The following SPOCK1 variants were observed in gnomAD, a reference collection of about 807,000 sequenced individuals.
SPOCK1 encodes SPARC (osteonectin), cwcv and kazal like domains proteoglycan 1, also known as testican-1.
In SPOCK1, 23 loss-of-function variants were observed where a neutral mutation model predicts 55.3. The observed-to-expected ratio is 0.42, with a 90% CI of 0.30 to 0.59. SPOCK1 has a LOEUF of 0.59. Ranked by LOEUF, SPOCK1 falls within the 20% of genes least tolerant of loss-of-function variation. The pLI, the probability that SPOCK1 is intolerant of heterozygous loss-of-function variation, is 0.22. For missense variants in SPOCK1, 499 were observed against 552.5 expected, an observed-to-expected ratio of 0.90 and a Z score of 0.97; for synonymous variants, 226 against 221.0, an observed-to-expected ratio of 1.02 and a Z score of -0.20.
intron 6 of SPOCK1, among the ~76,000 whole-genome samples, chr5:137,058,285 A>G (rs1333588542): frequency 2.6e-5 from 4 of 152,218 alleles, no homozygotes; most frequent in Admixed American, 2.6e-4. Context: ...TCTGTCATCT[A>G]TTATCTGTGT....
At chr5:137,312,887 A>T (rs1018639599) in intron 2 of SPOCK1, among the ~76,000 whole-genome samples, 8 of 152,296 alleles carry the variant, frequency 5.3e-5, no homozygotes, top group Non-Finnish European at 1.0e-4. Flanking sequence ...ACTAAATGCT[A>T]CTGGAGGAGG....
chr5:136,998,376 C>G (rs1751087336), intron 6 of SPOCK1, among the ~76,000 whole-genome samples: 1 of 152,112 alleles, frequency 6.6e-6, no homozygotes, highest in East Asian at 1.9e-4. Context: ...AGTAGTTGTT[C>G]AAAAATATAT....
intron 2 of SPOCK1, among the ~76,000 whole-genome samples, chr5:137,420,892 T>G (rs536229731): frequency 2.6e-5 from 4 of 152,214 alleles, no homozygotes; most frequent in African/African-American, 7.2e-5. Context: ...TGATGTCAGG[T>G]TGTCAATTTT....
intron 2 of SPOCK1, among the ~76,000 whole-genome samples, chr5:137,432,443 CAT>C (rs2149829306): frequency 6.6e-6 from 1 of 152,148 alleles, no homozygotes; most frequent in South Asian, 2.1e-4. Flanking sequence ...GAAATTCTGA[CAT>C]ATGACACACC....
At chr5:137,109,887 T>C (rs1753435303) in intron 5 of SPOCK1, among the ~76,000 whole-genome samples, 2 of 152,216 alleles carry the variant, frequency 1.3e-5, no homozygotes, top group African/African-American at 2.4e-5. Context: ...CTTACTAAAA[T>C]TTGAAATTAC....
intron 2 of SPOCK1, among the ~76,000 whole-genome samples, chr5:137,312,914 T>C (rs1455026061): frequency 6.6e-6 from 1 of 152,164 alleles, no homozygotes; most frequent in Non-Finnish European, 1.5e-5. Flanking sequence ...CACTTCTGTG[T>C]AGATCTGAAG....
intron 2 of SPOCK1, among the ~76,000 whole-genome samples, chr5:137,276,722 T>C (rs751640489): frequency 2.0e-5 from 3 of 152,140 alleles, no homozygotes; most frequent in Non-Finnish European, 4.4e-5. Context: ...TCCCTTTTAG[T>C]GACTAACTGG....
At chr5:137,448,185 T>A (rs1753169846) in intron 2 of SPOCK1, among the ~76,000 whole-genome samples, 1 of 152,072 alleles carries the variant, frequency 6.6e-6, no homozygotes, top group Non-Finnish European at 1.5e-5. Context: ...GAGGCAGAGG[T>A]TGCAGTGAGC....
At chr5:137,413,696 T>A (rs1752263516) in intron 2 of SPOCK1, among the ~76,000 whole-genome samples, 1 of 152,158 alleles carries the variant, frequency 6.6e-6, no homozygotes. Context: ...CTATGTCACA[T>A]CAGGGTATAA....
At chr5:137,144,696 C>T (rs919343344) in intron 3 of SPOCK1, among the ~76,000 whole-genome samples, 1 of 152,158 alleles carries the variant, frequency 6.6e-6, no homozygotes. Flanking sequence ...AGGCACCCAG[C>T]ACCAGTACTG....
At chr5:137,062,602 T>C (rs1303055741) in intron 6 of SPOCK1, among the ~76,000 whole-genome samples, 1 of 151,384 alleles carries the variant, frequency 6.6e-6, no homozygotes, top group Admixed American at 6.6e-5. Context: ...CACCGAGTAC[T>C]GAAGAAAAAG....
intron 3 of SPOCK1, among the ~76,000 whole-genome samples, chr5:137,185,888 G>C (rs1166263608): frequency 6.6e-6 from 1 of 152,170 alleles, no homozygotes; most frequent in Non-Finnish European, 1.5e-5. Flanking sequence ...ATGTGGTATT[G>C]CTACAAGACA....
chr5:137,391,624 C>T (rs998548104), intron 2 of SPOCK1, among the ~76,000 whole-genome samples: 3 of 152,078 alleles, frequency 2.0e-5, no homozygotes, highest in South Asian at 2.1e-4. Flanking sequence ...ACCAAACCCC[C>T]GATTCACTCG....
chr5:137,496,563 T>C (rs953809653), intron 2 of SPOCK1, among the ~76,000 whole-genome samples: 1 of 152,186 alleles, frequency 6.6e-6, no homozygotes, highest in African/African-American at 2.4e-5. Flanking sequence ...GCTCAATTCT[T>C]CCACCTCTAG....
At chr5:137,359,750 A>C (rs1300790077) in intron 2 of SPOCK1, among the ~76,000 whole-genome samples, 1 of 152,240 alleles carries the variant, frequency 6.6e-6, no homozygotes, top group African/African-American at 2.4e-5. Context: ...AAAGATAAAA[A>C]GTCAAGAAGA....
At position 136,978,770 on chromosome 5, in the gene SPOCK1, G is replaced by T; in HGVS notation, c.1204C>A (p.Arg402=). The change falls in exon 11 of 11, where the codon CGG becomes AGG. Residue 402 remains arginine (R), a synonymous_variant. Transcript: ENST00000394945. ...VVLLDDLEYE[R]ELGPKDKEGK... ...TCTTTGTCCTTTGGTCCCAGCTCCC[G>T]TTCATATTCTAGGTCATCCAGCAGG... 1.9e-6 allele frequency: 3 copies of T among 1,613,854 alleles called. No homozygotes were observed. Among genetic ancestry groups the T allele is most frequent in the Non-Finnish European group, 2.5e-6 (3 of 1,179,972 alleles).
At chr5:137,292,020 T>C (rs115407989) in intron 2 of SPOCK1, among the ~76,000 whole-genome samples, 4,619 of 152,260 alleles carry the variant, frequency 0.03, 241 homozygotes, top group African/African-American at 0.1. Context: ...AAAGCATCTC[T>C]GAGAATAAAT....
At chr5:137,064,587 G>A (rs1177979343) in intron 6 of SPOCK1, among the ~76,000 whole-genome samples, 1 of 152,096 alleles carries the variant, frequency 6.6e-6, no homozygotes, top group Non-Finnish European at 1.5e-5. Context: ...AAGGGGAGGT[G>A]GACTGCATGC....
chr5:137,383,188 G>A lies in SPOCK1; in HGVS notation c.186+115185C>T, dbSNP rs941193511. Among the ~76,000 whole-genome samples, 5 of 152,162 alleles carry A rather than the reference G, an allele frequency of 3.3e-5. No homozygotes were observed. In the East Asian group the frequency reaches 5.8e-4, roughly 18 times the overall value. On this transcript the variant is annotated intron_variant, in intron 2 of 10. Coordinates refer to ENST00000394945, the MANE Select transcript of SPOCK1 (RefSeq NM_004598.4). ...TTTTCCTACCTATAAAATGGAGACA[G>A]GAAAATTTATCTCAAAGAGCTGCTG...
Sources: gnomAD v4.1 joint callset for allele counts (sites outside exome capture counted in the v4.1 genomes callset) on GRCh38, gnomAD v4.1.1 for gene constraint, MANE v1.5 for transcripts, NCBI Gene and HGNC (gene_info 2026-07-23, HGNC 2026-07-21) for gene names.